Variants in IGF2R observed in about 807,000 individuals in gnomAD.
The protein encoded by IGF2R is cation-independent mannose-6-phosphate receptor.
In IGF2R, 91 loss-of-function variants were observed where a neutral mutation model predicts 270.6. The ratio of observed to expected loss-of-function variants is 0.34; its 90% CI spans 0.28 to 0.40. IGF2R has a LOEUF of 0.40. Ranked by LOEUF, IGF2R falls within the 10% of genes least tolerant of loss-of-function variation. The pLI is 1.00. For synonymous variants in IGF2R, 1,316 were observed against 1,258.9 expected (o/e 1.05, Z -0.96); for missense variants, 2,805 against 3,188.3 (o/e 0.88, Z 2.90).
chr6:160,025,477 G>T (rs1395443352), intron 5 of IGF2R, among the ~76,000 whole-genome samples: 1 of 152,148 alleles, frequency 6.6e-6, no homozygotes, highest in Non-Finnish European at 1.5e-5. Context: ...CCTTAGAAAA[G>T]TTTGGAGAAA....
chr6:160,099,376 G>A (rs1208207091), intron 45 of IGF2R, among the ~76,000 whole-genome samples: 17 of 139,796 alleles, frequency 1.2e-4, no homozygotes, highest in Admixed American at 1.2e-3. Flanking sequence ...GTTATGTTAT[G>A]TTATTTTTTT....
At chr6:160,054,361 C>T (rs375609909) in intron 19 of IGF2R, among the ~76,000 whole-genome samples, 1 of 152,118 alleles carries the variant, frequency 6.6e-6, no homozygotes, top group South Asian at 2.1e-4. Context: ...CCCTGTATGT[C>T]GAAAGGTGAA....
intron 1 of IGF2R, among the ~76,000 whole-genome samples, chr6:159,990,804 A>G (rs1783966483): frequency 6.6e-6 from 1 of 151,942 alleles, no homozygotes; most frequent in Non-Finnish European, 1.5e-5. Flanking sequence ...TAATTTTTGT[A>G]TTTTTAGTAG....
chr6:160,044,722 C>G, intron 13 of IGF2R, 65 bp downstream of exon 13: 1 of 1,229,080 alleles, frequency 8.1e-7, no homozygotes, highest in Non-Finnish European at 1.2e-6. Flanking sequence ...TTCTTCATAT[C>G]TCTGTTCCTC....
Position 160,032,953 on chromosome 6 carries a change from A to C in IGF2R, c.1057A>C (p.Ile353Leu), listed in dbSNP as rs756835735. ...TTCCCTGTTTTTAGGTTCATCCTAT[A>C]TTTCAGATGGAAAAGAATATTTGTT... Reference protein sequence around the residue: ...PLAQSGGSSYISDGKEYLFYL... With the variant: ...PLAQSGGSSYLSDGKEYLFYL... The change falls in exon 9 of 48, where the codon ATT becomes CTT. Residue 353 changes from isoleucine to leucine, a missense_variant. By Grantham distance (5) the Ile-to-Leu change is conservative (BLOSUM62 2). This residue lies in a region of IGF2R where 954 missense variants were observed against 981.1 expected (regional missense o/e 0.97). Transcript: ENST00000356956. 3.8e-6 allele frequency: 6 copies of C among 1,595,426 alleles called. No individual in the cohort carries two copies. The highest frequency in any genetic ancestry group is 5.2e-6 in the Non-Finnish European group (6 of 1,163,628).
chr6:160,089,213 A>G lies in IGF2R; in HGVS notation c.6427A>G (p.Ile2143Val), dbSNP rs778543225. 28 of 1,612,720 alleles carry G rather than the reference A, an allele frequency of 1.7e-5. No homozygotes were observed. In the East Asian group the frequency reaches 2.9e-4, roughly 17 times the overall value. Residue 2143 changes from isoleucine to valine, a missense_variant, in exon 43 of 48, where the codon ATA becomes GTA. Physicochemically the swap from Ile to Val is conservative, Grantham distance 29. Coordinates refer to ENST00000356956, the MANE Select transcript of IGF2R (RefSeq NM_000876.4). ...GGTGAATGGGACCATCACCAACCCT[A>G]TAAATGGCAAGAGCTTCAGCCTCGG... is the stretch of plus-strand genomic sequence containing the variant. Reference protein sequence around the residue: ...QMVNGTITNPINGKSFSLGDI... With the variant: ...QMVNGTITNPVNGKSFSLGDI...
At chr6:159,995,381 C>A (rs780307685) in intron 2 of IGF2R, among the ~76,000 whole-genome samples, 1 of 150,606 alleles carries the variant, frequency 6.6e-6, no homozygotes, top group Non-Finnish European at 1.5e-5. Context: ...TTTTTTAAAT[C>A]TAGTTCACCA....
At chr6:160,093,214 A>G (rs3777398) in intron 44 of IGF2R, 74,083 of 165,132 alleles carry the variant, frequency 0.45, 17,521 homozygotes, top group East Asian at 0.67. Flanking sequence ...GTGCTTCCCC[A>G]AGCCTTGGTG....
chr6:160,087,270 G>A (rs1004197470), intron 41 of IGF2R, among the ~76,000 whole-genome samples: 5 of 152,198 alleles, frequency 3.3e-5, no homozygotes, highest in African/African-American at 1.2e-4. Context: ...GCTCACATGA[G>A]GGTACCTGTC....
At chr6:160,085,227 C>G (rs1175109858) in intron 41 of IGF2R, 96 bp downstream of exon 41, 1 of 1,346,830 alleles carries the variant, frequency 7.4e-7, no homozygotes, top group African/African-American at 1.5e-5. Flanking sequence ...TGAGCATGTG[C>G]TTTGGTGGAA....
chr6:160,003,702 C>T (rs1446285201), intron 2 of IGF2R: 1 of 152,150 alleles, frequency 6.6e-6, no homozygotes, highest in East Asian at 1.9e-4. Context: ...GGAATTGAAT[C>T]AGTCACTACA....
intron 12 of IGF2R, 36 bp downstream of exon 12, chr6:160,043,324 T>C: frequency 6.3e-7 from 1 of 1,591,138 alleles, no homozygotes; most frequent in Non-Finnish European, 8.6e-7. Context: ...TAGGTGATGC[T>C]TTTCTAGGGC....
At chr6:160,085,515 C>T (rs965738896) in intron 41 of IGF2R, among the ~76,000 whole-genome samples, 1 of 152,180 alleles carries the variant, frequency 6.6e-6, no homozygotes, top group African/African-American at 2.4e-5. Context: ...GGACTTGGTA[C>T]AGGTAGTTCA....
At chr6:159,973,452 G>A (rs988437509) in intron 1 of IGF2R, among the ~76,000 whole-genome samples, 19 of 152,160 alleles carry the variant, frequency 1.2e-4, no homozygotes, top group Non-Finnish European at 2.6e-4. Context: ...AGGTATAAAT[G>A]CTAGAAAGTT....
At chr6:159,976,871 T>C (rs1250103457) in intron 1 of IGF2R, among the ~76,000 whole-genome samples, 1 of 152,226 alleles carries the variant, frequency 6.6e-6, no homozygotes, top group Non-Finnish European at 1.5e-5. Flanking sequence ...GAGGGTATTA[T>C]GTGTTTGGAA....
chr6:160,093,854 A>C, intron 44 of IGF2R: 2 of 729,290 alleles, frequency 2.7e-6, no homozygotes, highest in Admixed American at 1.7e-5. Context: ...TATCTCAGAT[A>C]AGCAGCTGGG....
At chr6:160,036,687 G>A (rs910864954) in intron 10 of IGF2R, among the ~76,000 whole-genome samples, 2 of 152,030 alleles carry the variant, frequency 1.3e-5, no homozygotes, top group Non-Finnish European at 2.9e-5. Flanking sequence ...AGACTTACAG[G>A]GAAGAGGTGT....
Position 160,050,337 on chromosome 6 carries a change from G to A in IGF2R, c.2515-136G>A, listed in dbSNP as rs1486224470. The A allele has an allele frequency of 4.6e-6, 4 of 872,044 alleles. No individual in the cohort carries two copies. The highest frequency in any genetic ancestry group is 3.4e-5 in the African/African-American group (2 of 59,572). 54.0% of individuals were successfully genotyped at this position (872,044 alleles called of 1,614,324 possible). A position where few individuals can be genotyped will look rare whatever the true frequency, so the allele number is the denominator to read the frequency against. ...GGTTTCCTATTCCATATGTAATAAG[G>A]GGATTTCCCCAGGAGCAGTGGTTCT... On this transcript the variant is annotated intron_variant, in intron 18 of 47. Coordinates refer to ENST00000356956, the MANE Select transcript of IGF2R (RefSeq NM_000876.4). This position sits in a 1 kb window ranked among gnomAD's most constrained non-coding sequence, Gnocchi z 4.0.
Position 160,107,408 on chromosome 6 carries a change from G to C in IGF2R, c.*2324G>C, listed in dbSNP as rs1779645408. 6.6e-6 allele frequency: 1 copy of C among 152,250 alleles called. No homozygotes were observed. The allele number at this position is 152,250 out of a possible 1,614,324, so 9.4% of individuals were successfully genotyped here. ...GGGAAGGAGAAGTGACAACACGTTT[G>C]AGTGCATTTGCTTTGACTCTTAGAA... On this transcript the variant is annotated 3_prime_UTR_variant, in exon 48 of 48. Transcript: ENST00000356956.
Sources: allele counts gnomAD v4.1 joint callset (sites outside exome capture counted in the v4.1 genomes callset), GRCh38; gene constraint gnomAD v4.1.1; regional missense constraint gnomAD v4.1.1; non-coding constraint Gnocchi (gnomAD v3.1); transcripts MANE v1.5; gene names NCBI Gene and HGNC (gene_info 2026-07-23, HGNC 2026-07-21).